Variants in GSE1 observed in about 807,000 individuals in gnomAD.
The protein encoded by GSE1 is genetic suppressor element 1.
In GSE1, 32 loss-of-function variants were observed where a neutral mutation model predicts 112.6. The observed-to-expected ratio is 0.28, with a 90% confidence interval of 0.21 to 0.38. The LOEUF is 0.38. GSE1 is among the 10% of genes least tolerant of loss of function. The pLI is 1.00. For missense variants in GSE1, 2,348 were observed against 1,699.2 expected (o/e 1.38, Z -6.71); for synonymous variants, 1,115 against 735.6 (o/e 1.52, Z -8.35).
rs1567543983 is a variant in GSE1, at chr16:85,505,418, GC to G, written c.2465-128494del. On this transcript the variant is annotated intron_variant, in intron 2 of 2. Transcript: ENST00000637419. ...GGACTGTGATGGTGCCTGTCACTCT[GC>G]CTGGGGGCTGGGGAGGGTCACAGAA... 2.0e-5 allele frequency among the ~76,000 whole-genome samples: 3 copies of G among 152,184 alleles called. No homozygotes were observed. In the South Asian group the frequency reaches 6.2e-4, roughly 32 times the overall value.
intron 2 of GSE1, among the ~76,000 whole-genome samples, chr16:85,468,541 C>T (rs377421263): frequency 2.0e-5 from 3 of 151,998 alleles, no homozygotes; most frequent in Admixed American, 2.0e-4. Context: ...TGGTCTTGAA[C>T]TCCTGACCTC....
chr16:85,235,071 C>G (rs1046100596), intron 1 of GSE1, among the ~76,000 whole-genome samples: 2 of 151,836 alleles, frequency 1.3e-5, no homozygotes, highest in African/African-American at 2.4e-5. Flanking sequence ...GCGGGGTGTT[C>G]CTGGGTGGGG....
intron 1 of GSE1, among the ~76,000 whole-genome samples, chr16:85,227,926 A>G (rs868057063): frequency 2.0e-5 from 3 of 152,212 alleles, no homozygotes; most frequent in African/African-American, 7.2e-5. Flanking sequence ...TCAAACCTGA[A>G]ACAGATCAAC....
chr16:85,462,979 C>T (rs2050016183), intron 2 of GSE1: 2 of 364,818 alleles, frequency 5.5e-6, no homozygotes, highest in East Asian at 1.6e-4. Context: ...CCGGGCCCGT[C>T]TTCTGCCGCC....
At chr16:85,565,158 G>A (rs1343346972) in intron 1 of GSE1, among the ~76,000 whole-genome samples, 5 of 152,114 alleles carry the variant, frequency 3.3e-5, no homozygotes, top group Admixed American at 2.0e-4. Flanking sequence ...TTGGGAACCC[G>A]AGGCAGGTGG....
At chr16:85,172,503 C>T (rs969463715) in intron 1 of GSE1, among the ~76,000 whole-genome samples, 1 of 152,228 alleles carries the variant, frequency 6.6e-6, no homozygotes, top group Non-Finnish European at 1.5e-5. Flanking sequence ...TGCCTTCCTG[C>T]TGCCCGCCCG....
At chr16:85,618,728 G>A (rs1219296041) in intron 1 of GSE1, among the ~76,000 whole-genome samples, 2 of 152,258 alleles carry the variant, frequency 1.3e-5, no homozygotes, top group African/African-American at 4.8e-5. Context: ...TGCGATCACA[G>A]CTCACCACAG....
intron 2 of GSE1, among the ~76,000 whole-genome samples, chr16:85,525,824 G>C (rs1042540382): frequency 3.3e-5 from 5 of 152,200 alleles, no homozygotes; most frequent in South Asian, 2.1e-4. Context: ...ACATCCCACA[G>C]GGGTAGTAAT....
intron 1 of GSE1, among the ~76,000 whole-genome samples, chr16:85,288,176 G>A (rs143499167): frequency 1.3e-5 from 2 of 152,258 alleles, no homozygotes; most frequent in African/African-American, 4.8e-5. Context: ...GGAGGCGGAG[G>A]TTGCAGTGAG....
intron 2 of GSE1, among the ~76,000 whole-genome samples, chr16:85,446,696 G>A (rs2049523274): frequency 1.3e-5 from 2 of 152,208 alleles, no homozygotes; most frequent in South Asian, 2.1e-4. Flanking sequence ...GTGTGTTGGA[G>A]CTCAGCCCTG....
chr16:85,361,264 CAA>C (rs2047072706), intron 2 of GSE1, among the ~76,000 whole-genome samples: 1 of 143,186 alleles, frequency 7.0e-6, no homozygotes, highest in African/African-American at 2.6e-5. Flanking sequence ...CCCCCACACA[CAA>C]ACATACAGAC....
intron 2 of GSE1, among the ~76,000 whole-genome samples, chr16:85,413,781 C>T (rs62050371): frequency 0.086 from 13,168 of 152,252 alleles, 750 homozygotes; most frequent in Middle Eastern, 0.14. Flanking sequence ...CCACCCAAAT[C>T]TTGCCTTGAA....
chr16:85,576,429 C>T (rs922245365), intron 1 of GSE1, among the ~76,000 whole-genome samples: 4 of 152,144 alleles, frequency 2.6e-5, no homozygotes, highest in Admixed American at 2.0e-4. Context: ...GGAAGCCAAA[C>T]GCTGCCCCTT....
chr16:85,454,558 C>T (rs1429870696), intron 2 of GSE1, among the ~76,000 whole-genome samples: 2 of 152,238 alleles, frequency 1.3e-5, no homozygotes, highest in African/African-American at 4.8e-5. Context: ...AATGAATCAC[C>T]CTAAACCAGG....
At chr16:85,572,166 A>AATACTACACACACACCAC (rs2046015716) in intron 1 of GSE1, among the ~76,000 whole-genome samples, 1 of 143,646 alleles carries the variant, frequency 7.0e-6, no homozygotes, top group Non-Finnish European at 1.5e-5. Flanking sequence ...ACACACACTG[A>AATACTACACACACACCAC]ATACTACACA....
intron 2 of GSE1, among the ~76,000 whole-genome samples, chr16:85,411,629 G>C: frequency 7.9e-5 from 1 of 12,612 alleles, no homozygotes; most frequent in African/African-American, 2.1e-4. Context: ...AATTCTCACT[G>C]TTACACTCAG....
In GSE1 at chr16:85,656,349, G is replaced by C; in HGVS notation, c.996G>C (p.Gln332His). 6.2e-7 allele frequency: 1 copy of C among 1,611,834 alleles called. No homozygotes were observed. Among genetic ancestry groups the C allele is most frequent in the South Asian group, 1.1e-5 (1 of 91,018 alleles). ...RMSGLSAERL[Q>H]MDEELRRERE... ...CTCTTTCCATGTGCTGCAGGCTGCA[G>C]ATGGACGAGGAGCTAAGGCGGGAGA... Residue 332 changes from glutamine to histidine, a missense_variant, in exon 7 of 16, where the codon CAG (glutamine) becomes CAC (histidine). Physicochemically the swap from Gln to His is conservative, Grantham distance 24. Transcript: ENST00000253458.
At chr16:85,170,185 C>T in exon 1 of GSE1, 1 of 985,294 alleles carries the variant, frequency 1.0e-6, no homozygotes. Context: ...GGGACCCGCT[C>T]CGGGACAGGG....
chr16:85,459,366 G>C (rs60292137), intron 2 of GSE1, among the ~76,000 whole-genome samples: 6,846 of 152,248 alleles, frequency 0.045, 528 homozygotes, highest in African/African-American at 0.16. Flanking sequence ...TGCCCAGCTG[G>C]TTGTTGAAGA....
Sources: allele counts gnomAD v4.1 joint callset (sites outside exome capture counted in the v4.1 genomes callset), GRCh38; gene constraint gnomAD v4.1.1; transcripts MANE v1.5; gene names NCBI Gene and HGNC (gene_info 2026-07-23, HGNC 2026-07-21).